HECW2: variants seen among roughly 807,000 people sequenced by gnomAD.
The protein encoded by HECW2 is E3 ubiquitin-protein ligase HECW2.
HECW2 carries 61 observed loss-of-function variants against 175.2 expected under a neutral mutation model. The ratio of observed to expected loss-of-function variants is 0.35; its 90% CI spans 0.28 to 0.43. The LOEUF (loss-of-function observed/expected upper bound fraction) is 0.43, where lower values mean the gene tolerates loss of function less well. Among genes scored for constraint, HECW2 ranks in the 20% least tolerant of loss-of-function variants. The probability of loss-of-function intolerance (pLI) is 1.00; values close to 1 mark genes in which losing one functional copy is unlikely to be tolerated. For missense variants in HECW2, 1,524 were observed against 2,000.5 expected (o/e 0.76, Z 4.54); for synonymous variants, 671 against 731.0 (o/e 0.92, Z 1.32).
rs1688495313 is a variant in HECW2, at chr2:196,523,385, T to C, written c.-36+70123A>G. Among the ~76,000 whole-genome samples, 9 of 152,154 alleles carry C rather than the reference T, an allele frequency of 5.9e-5. No homozygotes were observed. In the South Asian group the frequency reaches 1.9e-3, roughly 32 times the overall value. ...TTAAGGAGATTTTGGGCTGAGACAA[T>C]GGGGTTTTCTAGATATACAATCATG... On this transcript the variant is annotated intron_variant, in intron 1 of 28. Coordinates refer to ENST00000644978, the MANE Select transcript of HECW2 (RefSeq NM_001348768.2).
intron 4 of HECW2, chr2:196,331,225 T>C (rs552372854): frequency 1.3e-5 from 13 of 985,062 alleles, no homozygotes; most frequent in African/African-American, 1.7e-5. Flanking sequence ...TCCTGGGTCA[T>C]AGAGTTGGCT....
At chr2:196,410,741 T>C (rs1373639780) in intron 2 of HECW2, among the ~76,000 whole-genome samples, 1 of 152,220 alleles carries the variant, frequency 6.6e-6, no homozygotes, top group Non-Finnish European at 1.5e-5. Flanking sequence ...AACAGGACAC[T>C]GAACTTCAGT....
chr2:196,504,701 GTTTA>G (rs1687694141), intron 1 of HECW2, among the ~76,000 whole-genome samples: 1 of 152,084 alleles, frequency 6.6e-6, no homozygotes, highest in Non-Finnish European at 1.5e-5. Flanking sequence ...TGAATTAATT[GTTTA>G]TTTGTGAGTT....
At chr2:196,330,189 A>G (rs763017607) in intron 4 of HECW2, among the ~76,000 whole-genome samples, 4 of 152,200 alleles carry the variant, frequency 2.6e-5, no homozygotes, top group African/African-American at 2.4e-5. Context: ...AATTAGCAAT[A>G]ATAAGAATTT....
chr2:196,412,829 C>T (rs16851082), intron 2 of HECW2, among the ~76,000 whole-genome samples: 3,002 of 152,312 alleles, frequency 0.02, 82 homozygotes, highest in African/African-American at 0.069. Context: ...TTTTAAAATA[C>T]TGCCCATGAA....
intron 15 of HECW2, among the ~76,000 whole-genome samples, chr2:196,274,499 C>A (rs1306342818): frequency 6.6e-6 from 1 of 152,212 alleles, no homozygotes; most frequent in African/African-American, 2.4e-5. Context: ...AAAGGGAAGA[C>A]TGAGTGGTAT....
At chr2:196,326,295 G>T (rs1470758623) in intron 5 of HECW2, among the ~76,000 whole-genome samples, 1 of 152,098 alleles carries the variant, frequency 6.6e-6, no homozygotes, top group African/African-American at 2.4e-5. Context: ...TTGAAGGAGA[G>T]CTCCCAGGAG....
At chr2:196,440,955 T>C (rs1326725584) in intron 1 of HECW2, among the ~76,000 whole-genome samples, 1 of 152,194 alleles carries the variant, frequency 6.6e-6, no homozygotes, top group African/African-American at 2.4e-5. Flanking sequence ...TGCACCATGC[T>C]GCTCTCCCAG....
At position 196,523,788 on chromosome 2, in the gene HECW2, G is replaced by C. The variant is rs1396042222; in HGVS notation, c.-36+69720C>G. ...TATGCTGGATTACATTTATTGATTT[G>C]CGTATATTGAACCAGCCTTGCATCC... is the stretch of plus-strand genomic sequence containing the variant. On this transcript the variant is annotated intron_variant, in intron 1 of 28. Coordinates refer to ENST00000644978, the MANE Select transcript of HECW2 (RefSeq NM_001348768.2). Among the ~76,000 whole-genome samples, 420 of 150,844 alleles carry C rather than the reference G, an allele frequency of 2.8e-3. 2 individuals are homozygous for C. The highest frequency in any genetic ancestry group is 5.5e-3 in the South Asian group (26 of 4,768).
chr2:196,314,046 T>C (rs115136915), intron 10 of HECW2, among the ~76,000 whole-genome samples: 429 of 152,296 alleles, frequency 2.8e-3, no homozygotes, highest in African/African-American at 9.5e-3. Context: ...AAGCTCAAAC[T>C]ACACTGCTTC....
At chr2:196,248,542 C>A (rs1285276030) in intron 19 of HECW2, among the ~76,000 whole-genome samples, 4 of 149,056 alleles carry the variant, frequency 2.7e-5, no homozygotes, top group Non-Finnish European at 5.9e-5. Context: ...ACTTCAGGGA[C>A]TGTAGGAAAG....
intron 2 of HECW2, among the ~76,000 whole-genome samples, chr2:196,344,864 C>A (rs148921327): frequency 1.3e-5 from 2 of 152,068 alleles, no homozygotes; most frequent in African/African-American, 4.8e-5. Context: ...AGGTCCCAAG[C>A]CCAAAGGAAT....
intron 17 of HECW2, 118 bp from the exon 18 acceptor site, chr2:196,258,024 C>T: frequency 1.4e-6 from 1 of 697,164 alleles, no homozygotes; most frequent in Non-Finnish European, 2.5e-6. Flanking sequence ...TATGTGGCAG[C>T]TACTGTGTAA....
intron 7 of HECW2, among the ~76,000 whole-genome samples, chr2:196,320,838 G>T (rs926142687): frequency 1.3e-5 from 2 of 152,158 alleles, no homozygotes; most frequent in Admixed American, 6.5e-5. Context: ...GAGAGAGCCT[G>T]GTTCCTCGGC....
Position 196,322,490 on chromosome 2 carries a change from C to T in HECW2, c.872G>A (p.Arg291Gln), listed in dbSNP as rs369637193. The part of the protein sequence containing the change: ...LTIPVQRLLE[R>Q]QAIGDQMLSY... ...AAGGGCTGATTACCCGATGGCTTGT[C>T]GCTCCAGCAGCCTCTGGACTGGAAT... The change falls in exon 7 of 29, where the codon CGA (arginine) becomes CAA (glutamine). Residue 291 changes from arginine (R) to glutamine (Q), a missense_variant. This residue lies in a region of HECW2 where 95 missense variants were observed against 136.8 expected (regional missense o/e 0.69). Transcript: ENST00000644978. The T allele has an allele frequency of 2.9e-4, 460 of 1,613,342 alleles. No homozygotes were observed. The highest frequency in any genetic ancestry group is 1.2e-3 in the Middle Eastern group (7 of 6,080).
chr2:196,462,676 A>G (rs114168230), intron 1 of HECW2, among the ~76,000 whole-genome samples: 1,819 of 151,992 alleles, frequency 0.012, 41 homozygotes, highest in African/African-American at 0.041. Context: ...GCTCCCAAGC[A>G]CCCACCCCTC....
chr2:196,587,649 T>TA (rs1490677405), intron 1 of HECW2, among the ~76,000 whole-genome samples: 1 of 152,104 alleles, frequency 6.6e-6, no homozygotes, highest in Non-Finnish European at 1.5e-5. Context: ...TTTTAACAAA[T>TA]AAAAAATAAG....
intron 10 of HECW2, among the ~76,000 whole-genome samples, chr2:196,314,642 C>T (rs1403536547): frequency 6.6e-6 from 1 of 152,168 alleles, no homozygotes; most frequent in African/African-American, 2.4e-5. Flanking sequence ...CAGACAAGAC[C>T]TGCTTCACCT....
At chr2:196,571,717 GA>G (rs1252522951) in intron 1 of HECW2, among the ~76,000 whole-genome samples, 3 of 151,780 alleles carry the variant, frequency 2.0e-5, no homozygotes, top group Non-Finnish European at 4.4e-5. Flanking sequence ...AAAAATAAAA[GA>G]AAAATCAATT....
Sources: gnomAD v4.1 joint callset for allele counts (sites outside exome capture counted in the v4.1 genomes callset) on GRCh38, gnomAD v4.1.1 for gene constraint, gnomAD v4.1.1 regional missense constraint, MANE v1.5 for transcripts, NCBI Gene and HGNC (gene_info 2026-07-23, HGNC 2026-07-21) for gene names.